The following SOX11 variants were observed in gnomAD, a reference collection of about 807,000 sequenced individuals.
SOX11 encodes transcription factor SOX-11.
Under a neutral mutation model 16.7 loss-of-function variants are expected in SOX11, and 5 were observed. The observed-to-expected ratio is 0.30, with a 90% CI of 0.16 to 0.63. SOX11 has a LOEUF of 0.63. SOX11 is among the 20% of genes least tolerant of loss of function. The pLI is 0.82. For synonymous variants in SOX11, 363 were observed against 298.8 expected, an observed-to-expected ratio of 1.21 and a Z score of -2.22; for missense variants, 492 against 641.5, an observed-to-expected ratio of 0.77 and a Z score of 2.52.
At position 5,697,139 on chromosome 2, in the gene SOX11, T is replaced by C. The variant is rs77996007; in HGVS notation, c.*3092T>C. The C allele has an allele frequency of 0.24, 38,586 of 163,954 alleles. 4,678 individuals carry two copies. The highest frequency in any genetic ancestry group is 0.36 in the East Asian group (1,779 of 4,996). 10.2% of individuals were successfully genotyped at this position (163,954 alleles called of 1,614,324 possible). On this transcript the variant is annotated 3_prime_UTR_variant, in exon 1 of 1. Coordinates refer to ENST00000322002, the MANE Select transcript of SOX11 (RefSeq NM_003108.4). ...TCCGCCGCCTCTTTTCTGCTGGGTC[T>C]GGGAGGAGGGAGGCTGGGAGGCCGC...
Position 5,697,657 on chromosome 2 carries a change from T to C in SOX11, c.*3610T>C, listed in dbSNP as rs938777484. 3 of 167,152 alleles carry C rather than the reference T, an allele frequency of 1.8e-5. No individual in the cohort carries two copies. Among genetic ancestry groups the C allele is most frequent in the African/African-American group, 7.2e-5 (3 of 41,470 alleles). The allele number at this position is 167,152 out of a possible 1,614,324, so 10.4% of individuals were successfully genotyped here. ...TGGGAAAAGAAGGGGCTGATGGCGTTAACCAGGTTCTCAATATAGAACTGG... is the reference window on the plus strand; with the variant it reads ...TGGGAAAAGAAGGGGCTGATGGCGTCAACCAGGTTCTCAATATAGAACTGG... On this transcript the variant is annotated 3_prime_UTR_variant, in exon 1 of 1. Transcript: ENST00000322002.
Position 5,694,207 on chromosome 2 carries a change from T to C in SOX11, c.*160T>C, listed in dbSNP as rs1393719208. Reference sequence around the variant, plus strand: ...GGGAGAGAAGAAGATGCTGATGATATTGATAAGATGTCGTGACGCAAAGAA... The same window carrying C: ...GGGAGAGAAGAAGATGCTGATGATACTGATAAGATGTCGTGACGCAAAGAA... On this transcript the variant is annotated 3_prime_UTR_variant, in exon 1 of 1. Coordinates refer to ENST00000322002, the MANE Select transcript of SOX11 (RefSeq NM_003108.4). The C allele has an allele frequency of 6.4e-6, 6 of 935,540 alleles. No individual in the cohort carries two copies. The highest frequency in any genetic ancestry group is 2.9e-5 in the East Asian group (1 of 33,900). 58.0% of individuals were successfully genotyped at this position (935,540 alleles called of 1,614,324 possible).
In SOX11 at chr2:5,693,166, A is replaced by AGCGCGGGCGGAG. The variant is rs774530705; in HGVS notation, c.456_467dup (p.Gly153_Gly156dup). ...GAGCGCGGCCGGCGGCGGCGGCGGG[A>AGCGCGGGCGGAG]GCGCGGGCGGAGGCGCGGGCGGTGC... On this transcript the variant is annotated inframe_insertion, in exon 1 of 1. Transcript: ENST00000322002. This position sits in a 1 kb window ranked among gnomAD's most constrained non-coding sequence, Gnocchi z 8.6. 8 of 1,575,506 alleles carry AGCGCGGGCGGAG rather than the reference A, an allele frequency of 5.1e-6. No homozygotes were observed. The highest frequency in any genetic ancestry group is 6.0e-6 in the Non-Finnish European group (7 of 1,162,722).
chr2:5,693,815 T>C lies in SOX11; in HGVS notation c.1094T>C (p.Leu365Pro). The change falls in exon 1 of 1, where the codon CTG (leucine) becomes CCG (proline). Residue 365 changes from leucine (L) to proline (P), a missense_variant. Transcript: ENST00000322002. This position sits in a 1 kb window ranked among gnomAD's most constrained non-coding sequence, Gnocchi z 8.6. ...GEDADDLMFD[L>P]SLNFSQSAHS... ...GACGCCGACGACCTGATGTTCGACCTGAGCTTGAATTTCTCTCAAAGCGCG... is the reference window on the plus strand; with the variant it reads ...GACGCCGACGACCTGATGTTCGACCCGAGCTTGAATTTCTCTCAAAGCGCG... 1.3e-6 allele frequency: 2 copies of C among 1,552,586 alleles called. No individual in the cohort carries two copies. The highest frequency in any genetic ancestry group is 1.7e-6 in the Non-Finnish European group (2 of 1,147,952).
rs1665695415 is a variant in SOX11, at chr2:5,694,532, G to T, written c.*485G>T. On this transcript the variant is annotated 3_prime_UTR_variant, in exon 1 of 1. Coordinates refer to ENST00000322002, the MANE Select transcript of SOX11 (RefSeq NM_003108.4). ...GGTCTTTGAAGTCTGGAAGACGTCT[G>T]CAGAGGACCCTTTTGGCAGCACAAC... 3.5e-6 allele frequency: 1 copy of T among 281,934 alleles called. No homozygotes were observed. Among genetic ancestry groups the T allele is most frequent in the Non-Finnish European group, 6.9e-6 (1 of 144,088 alleles). The allele number at this position is 281,934 out of a possible 1,614,324, so 17.5% of individuals were successfully genotyped here.
At position 5,693,590 on chromosome 2, in the gene SOX11, G is replaced by T; in HGVS notation, c.869G>T (p.Gly290Val). 6.4e-7 allele frequency: 1 copy of T among 1,562,256 alleles called. No homozygotes were observed. The highest frequency in any genetic ancestry group is 2.4e-5 in the East Asian group (1 of 42,422). ...AGCAGCTCGGCGGAGTCCCCCGAGGGAGCGAGCCTCTACGACGAGGTGCGG... is the reference window on the plus strand; with the variant it reads ...AGCAGCTCGGCGGAGTCCCCCGAGGTAGCGAGCCTCTACGACGAGGTGCGG... ...TLSSSAESPE[G>V]ASLYDEVRAG... is the part of the protein sequence containing the mutation. Residue 290 changes from glycine (G) to valine (V), a missense_variant, in exon 1 of 1, where the codon GGA becomes GTA. Coordinates refer to ENST00000322002, the MANE Select transcript of SOX11 (RefSeq NM_003108.4). This position sits in a 1 kb window ranked among gnomAD's most constrained non-coding sequence, Gnocchi z 8.6.
rs1038034487 is a variant in SOX11, at chr2:5,697,626, T to C, written c.*3579T>C. On this transcript the variant is annotated 3_prime_UTR_variant, in exon 1 of 1. Coordinates refer to ENST00000322002, the MANE Select transcript of SOX11 (RefSeq NM_003108.4). ...TCGATAAACCATCAGATTTCAGTAGTACATTTGGGAAAAGAAGGGGCTGAT... is the reference window on the plus strand; with the variant it reads ...TCGATAAACCATCAGATTTCAGTAGCACATTTGGGAAAAGAAGGGGCTGAT... 3.0e-5 allele frequency: 5 copies of C among 167,122 alleles called. No individual in the cohort carries two copies. Among genetic ancestry groups the C allele is most frequent in the Non-Finnish European group, 4.4e-5 (3 of 68,156 alleles). The allele number at this position is 167,122 out of a possible 1,614,324, so 10.4% of individuals were successfully genotyped here.
rs1430770543 is a variant in SOX11, at chr2:5,699,236, T to G, written c.*5189T>G. 1.2e-5 allele frequency: 2 copies of G among 166,926 alleles called. No homozygotes were observed. The highest frequency in any genetic ancestry group is 2.9e-5 in the Non-Finnish European group (2 of 68,128). The allele number at this position is 166,926 out of a possible 1,614,324, so 10.3% of individuals were successfully genotyped here. A position where few individuals can be genotyped will look rare whatever the true frequency, so the allele number is the denominator to read the frequency against. ...GAAAATAGTTTACTGAGTTGTCAAT[T>G]TTATCAGTAGATAAGAAACTTTCTT... On this transcript the variant is annotated 3_prime_UTR_variant, in exon 1 of 1. Coordinates refer to ENST00000322002, the MANE Select transcript of SOX11 (RefSeq NM_003108.4).
In SOX11 at chr2:5,695,759, TA is replaced by T. The variant is rs1432253843; in HGVS notation, c.*1713del. 1 of 167,222 alleles carries T rather than the reference TA, an allele frequency of 6.0e-6. No individual in the cohort carries two copies. The highest frequency in any genetic ancestry group is 1.5e-5 in the Non-Finnish European group (1 of 68,144). 10.4% of individuals were successfully genotyped at this position (167,222 alleles called of 1,614,324 possible). On this transcript the variant is annotated 3_prime_UTR_variant, in exon 1 of 1. Coordinates refer to ENST00000322002, the MANE Select transcript of SOX11 (RefSeq NM_003108.4). ...AGGTGGCAGGAGAGAATTCTACATT[TA>T]GGGGGTTAGGCTGAAAAGTGTTCAA...
Position 5,694,082 on chromosome 2 carries a change from T to C in SOX11, c.*35T>C. 6.6e-7 allele frequency: 1 copy of C among 1,524,336 alleles called. No homozygotes were observed. Among genetic ancestry groups the C allele is most frequent in the Non-Finnish European group, 8.8e-7 (1 of 1,134,254 alleles). 94.4% of individuals were successfully genotyped at this position (1,524,336 alleles called of 1,614,324 possible). On this transcript the variant is annotated 3_prime_UTR_variant, in exon 1 of 1. Coordinates refer to ENST00000322002, the MANE Select transcript of SOX11 (RefSeq NM_003108.4). The stretch of plus-strand genomic sequence containing the variant: ...GCTGCTCGCTCTTTCTCTCGGAGGG[T>C]GCAGAGCTGGGTTCCTTGGGAGGAA...
rs1665734956 is a variant in SOX11, at chr2:5,696,674, T to C, written c.*2627T>C. 6.6e-6 allele frequency: 1 copy of C among 151,334 alleles called. No homozygotes were observed. Among genetic ancestry groups the C allele is most frequent in the Non-Finnish European group, 1.5e-5 (1 of 67,776 alleles). 9.4% of individuals were successfully genotyped at this position (151,334 alleles called of 1,614,324 possible). A position where few individuals can be genotyped will look rare whatever the true frequency, so the allele number is the denominator to read the frequency against. On this transcript the variant is annotated 3_prime_UTR_variant, in exon 1 of 1. Coordinates refer to ENST00000322002, the MANE Select transcript of SOX11 (RefSeq NM_003108.4). The stretch of plus-strand genomic sequence containing the variant: ...CCTGGGCGCGCCCCGCCGCGGGCCC[T>C]TGAGGCGCGCGGAGACACCAGCGCT...
In SOX11 at chr2:5,695,358, A is replaced by G. The variant is rs1558374881; in HGVS notation, c.*1311A>G. ...ACTGTACTATAGTAGGACTTTATGT[A>G]TCTCATACGCTGTGATGTGGATGGG... On this transcript the variant is annotated 3_prime_UTR_variant, in exon 1 of 1. Transcript: ENST00000322002. 2 of 166,894 alleles carry G rather than the reference A, an allele frequency of 1.2e-5. No individual in the cohort carries two copies. The highest frequency in any genetic ancestry group is 2.9e-5 in the Non-Finnish European group (2 of 68,096). 10.3% of individuals were successfully genotyped at this position (166,894 alleles called of 1,614,324 possible).
Position 5,692,577 on chromosome 2 carries a change from G to T in SOX11, c.-145G>T. 1 of 655,824 alleles carries T rather than the reference G, an allele frequency of 1.5e-6. No individual in the cohort carries two copies. The highest frequency in any genetic ancestry group is 2.5e-6 in the Non-Finnish European group (1 of 397,234). The allele number at this position is 655,824 out of a possible 1,614,324, so 40.6% of individuals were successfully genotyped here. A position where few individuals can be genotyped will look rare whatever the true frequency, so the allele number is the denominator to read the frequency against. On this transcript the variant is annotated 5_prime_UTR_variant, in exon 1 of 1. Transcript: ENST00000322002. ...GCCGCTGTGTGCAGCCTGGAAGGGGGGGCGGGGGGGAGGGGGGGAGCCGCG... is the reference window on the plus strand; with the variant it reads ...GCCGCTGTGTGCAGCCTGGAAGGGGTGGCGGGGGGGAGGGGGGGAGCCGCG...
At position 5,693,921 on chromosome 2, in the gene SOX11, T is replaced by C; in HGVS notation, c.1200T>C (p.Asp400=). 1 of 1,551,582 alleles carries C rather than the reference T, an allele frequency of 6.4e-7. No individual in the cohort carries two copies. Among genetic ancestry groups the C allele is most frequent in the Non-Finnish European group, 8.7e-7 (1 of 1,147,008 alleles). ...LSLSLVDKDL[D]SFSEGSLGSH... is the part of the protein sequence containing the mutation. ...TGTCGCTGGTGGATAAGGATTTGGA[T>C]TCGTTCAGCGAGGGCAGCCTGGGCT... Residue 400 remains aspartate, a synonymous_variant, in exon 1 of 1, where the codon GAT becomes GAC. Transcript: ENST00000322002. This position sits in a 1 kb window ranked among gnomAD's most constrained non-coding sequence, Gnocchi z 8.6.
At position 5,696,292 on chromosome 2, in the gene SOX11, T is replaced by A. The variant is rs1665726439; in HGVS notation, c.*2245T>A. The A allele has an allele frequency of 6.0e-6, 1 of 167,722 alleles. No homozygotes were observed. Among genetic ancestry groups the A allele is most frequent in the South Asian group, 2.1e-4 (1 of 4,874 alleles). The allele number at this position is 167,722 out of a possible 1,614,324, so 10.4% of individuals were successfully genotyped here. A position where few individuals can be genotyped will look rare whatever the true frequency, so the allele number is the denominator to read the frequency against. ...GAAGGGGAAGAGGAAAGGAGAGAAG[T>A]GGTCGGTGTCTGTTTCCTTCTGTCC... On this transcript the variant is annotated 3_prime_UTR_variant, in exon 1 of 1. Transcript: ENST00000322002.
Position 5,693,465 on chromosome 2 carries a change from G to C in SOX11, c.744G>C (p.Glu248Asp). Reference sequence around the variant, plus strand: ...AACAGGAGCCGGACGAGGAGGACGAGGAACCACCGCACCAGCAGCTCCTGC... The same window carrying C: ...AACAGGAGCCGGACGAGGAGGACGACGAACCACCGCACCAGCAGCTCCTGC... ...QIKQEPDEED[E>D]EPPHQQLLQP... Residue 248 changes from glutamate (E) to aspartate (D), a missense_variant, in exon 1 of 1, where the codon GAG becomes GAC. Physicochemically the swap from Glu to Asp is conservative, Grantham distance 45. Transcript: ENST00000322002. This position sits in a 1 kb window ranked among gnomAD's most constrained non-coding sequence, Gnocchi z 8.6. The C allele has an allele frequency of 6.3e-7, 1 of 1,589,090 alleles. No individual in the cohort carries two copies. Among genetic ancestry groups the C allele is most frequent in the South Asian group, 1.1e-5 (1 of 89,734 alleles).
Position 5,699,952 on chromosome 2 carries a change from C to T in SOX11, c.*5905C>T, listed in dbSNP as rs550037015. ...CAAAAGTGCAGAAAGTATAAAACGG[C>T]TTACAAAGGGAGACACAAGCTCATA... On this transcript the variant is annotated 3_prime_UTR_variant, in exon 1 of 1. Coordinates refer to ENST00000322002, the MANE Select transcript of SOX11 (RefSeq NM_003108.4). The T allele has an allele frequency of 6.0e-6, 1 of 167,040 alleles. No individual in the cohort carries two copies. Among genetic ancestry groups the T allele is most frequent in the South Asian group, 2.1e-4 (1 of 4,824 alleles). 10.3% of individuals were successfully genotyped at this position (167,040 alleles called of 1,614,324 possible).
In SOX11 at chr2:5,694,150, G is replaced by C; in HGVS notation, c.*103G>C. 4 of 1,398,758 alleles carry C rather than the reference G, an allele frequency of 2.9e-6. No individual in the cohort carries two copies. The highest frequency in any genetic ancestry group is 3.8e-6 in the Non-Finnish European group (4 of 1,051,556). The allele number at this position is 1,398,758 out of a possible 1,614,324, so 86.6% of individuals were successfully genotyped here. On this transcript the variant is annotated 3_prime_UTR_variant, in exon 1 of 1. Transcript: ENST00000322002. Reference sequence around the variant, plus strand: ...GATGATGATAATGATGATGATGATGGTGGTGTTGATGGTGGCGGTGGTAGG... The same window carrying C: ...GATGATGATAATGATGATGATGATGCTGGTGTTGATGGTGGCGGTGGTAGG...
chr2:5,697,097 C>T lies in SOX11; in HGVS notation c.*3050C>T, dbSNP rs893636104. On this transcript the variant is annotated 3_prime_UTR_variant, in exon 1 of 1. Coordinates refer to ENST00000322002, the MANE Select transcript of SOX11 (RefSeq NM_003108.4). The stretch of plus-strand genomic sequence containing the variant: ...GCCGGGCACGCGCGCCCCGGGCTCC[C>T]GCCCCCCTTCCGAGCATCCGCCGCC... 1.0e-4 allele frequency: 16 copies of T among 160,214 alleles called. No homozygotes were observed. Among genetic ancestry groups the T allele is most frequent in the Non-Finnish European group, 1.8e-4 (12 of 68,132 alleles). 9.9% of individuals were successfully genotyped at this position (160,214 alleles called of 1,614,324 possible).
Sources: allele counts gnomAD v4.1 joint callset, GRCh38; gene constraint gnomAD v4.1.1; non-coding constraint Gnocchi (gnomAD v3.1); transcripts MANE v1.5; gene names NCBI Gene and HGNC (gene_info 2026-07-23, HGNC 2026-07-21).